The following STAG1 variants were observed in gnomAD, a reference collection of about 807,000 sequenced individuals.
STAG1 encodes the protein STAG1 cohesin complex component.
In STAG1, 26 loss-of-function variants were observed where a neutral mutation model predicts 170.9. The ratio of observed to expected loss-of-function variants is 0.15; its 90% CI spans 0.11 to 0.21. The LOEUF (loss-of-function observed/expected upper bound fraction) is 0.21. Among genes scored for constraint, STAG1 ranks in the 10% least tolerant of loss-of-function variants. STAG1 has a pLI of 1.00. For synonymous variants in STAG1, 514 were observed against 497.7 expected (o/e 1.03, Z -0.44); for missense variants, 964 against 1,509.5 (o/e 0.64, Z 5.99).
intron 6 of STAG1, among the ~76,000 whole-genome samples, chr3:136,526,453 T>A (rs1218151689): frequency 6.6e-6 from 1 of 152,214 alleles, no homozygotes; most frequent in East Asian, 1.9e-4. Context: ...GCTTGGTAGA[T>A]CTTCCTCCAT....
chr3:136,359,130 AGT>A lies in STAG1; in HGVS notation c.2936+16_2936+17del. Reference sequence around the variant, plus strand: ...AAGTAAATCAGATTCTGCATAACAAAGTGTTTATCTCACTCACTTGTGAAGTG... The same window carrying A: ...AAGTAAATCAGATTCTGCATAACAAAGTTTATCTCACTCACTTGTGAAGTG... On this transcript the variant is annotated intron_variant, in intron 27 of 33. Coordinates refer to ENST00000383202, the MANE Select transcript of STAG1 (RefSeq NM_005862.3). 1 of 1,575,648 alleles carries A rather than the reference AGT, an allele frequency of 6.3e-7. No individual in the cohort carries two copies. The highest frequency in any genetic ancestry group is 8.6e-7 in the Non-Finnish European group (1 of 1,157,154).
chr3:136,488,889 A>T (rs1251521465), intron 9 of STAG1, among the ~76,000 whole-genome samples: 2 of 152,248 alleles, frequency 1.3e-5, no homozygotes, highest in Non-Finnish European at 2.9e-5. Flanking sequence ...TTATTTTTAA[A>T]CAACTAATCT....
At chr3:136,623,907 G>A (rs147240716) in intron 2 of STAG1, among the ~76,000 whole-genome samples, 2 of 152,028 alleles carry the variant, frequency 1.3e-5, no homozygotes, top group African/African-American at 2.4e-5. Context: ...CCGAGATTAC[G>A]CCACTGCACT....
intron 1 of STAG1, among the ~76,000 whole-genome samples, chr3:136,676,730 T>TTTTGTTTG (rs545500564): frequency 1.3e-5 from 2 of 152,036 alleles, no homozygotes; most frequent in Non-Finnish European, 2.9e-5. Context: ...GATTACAAGT[T>TTTTGTTTG]TTTGTTTGTT....
At chr3:136,465,043 T>C (rs1016266290) in intron 12 of STAG1, 55 bp from the exon 13 acceptor site, 1 of 1,337,362 alleles carries the variant, frequency 7.5e-7, no homozygotes, top group Non-Finnish European at 1.0e-6. Flanking sequence ...TTTTCCTTTC[T>C]ACTTTTATTT....
At chr3:136,624,767 C>T (rs903375839) in intron 2 of STAG1, among the ~76,000 whole-genome samples, 10 of 152,040 alleles carry the variant, frequency 6.6e-5, no homozygotes, top group Admixed American at 4.6e-4. Context: ...GTACATATTC[C>T]TACCATAGCC....
chr3:136,381,410 T>G (rs899989306), intron 22 of STAG1, among the ~76,000 whole-genome samples: 2 of 151,926 alleles, frequency 1.3e-5, no homozygotes, highest in Admixed American at 6.6e-5. Context: ...AAGAAAACAT[T>G]AAAAAAATGA....
At chr3:136,493,280 C>G (rs2090155844) in intron 9 of STAG1, among the ~76,000 whole-genome samples, 1 of 151,986 alleles carries the variant, frequency 6.6e-6, no homozygotes, top group Non-Finnish European at 1.5e-5. Flanking sequence ...GATGTTGAGG[C>G]TGAAGTGAGC....
intron 1 of STAG1, among the ~76,000 whole-genome samples, chr3:136,733,942 C>A (rs1934186859): frequency 1.3e-5 from 2 of 151,906 alleles, no homozygotes; most frequent in African/African-American, 2.4e-5. Context: ...CCTGTCTCTA[C>A]TAAAAATACA....
chr3:136,528,811 T>A (rs999619554), intron 6 of STAG1, among the ~76,000 whole-genome samples: 2 of 151,886 alleles, frequency 1.3e-5, no homozygotes, highest in East Asian at 1.9e-4. Flanking sequence ...GTGCCTGTAT[T>A]CCCAGCTATT....
At chr3:136,467,121 T>A (rs1420119930) in intron 12 of STAG1, among the ~76,000 whole-genome samples, 6 of 152,124 alleles carry the variant, frequency 3.9e-5, no homozygotes, top group Non-Finnish European at 5.9e-5. Flanking sequence ...CCAGCTAACA[T>A]CATAACGTAA....
intron 13 of STAG1, among the ~76,000 whole-genome samples, chr3:136,459,993 C>A (rs1285961195): frequency 6.6e-6 from 1 of 151,868 alleles, no homozygotes; most frequent in Admixed American, 6.6e-5. Flanking sequence ...CATCAAAAAA[C>A]AAACCAAAAT....
At chr3:136,729,547 T>C (rs933973273) in intron 1 of STAG1, among the ~76,000 whole-genome samples, 3 of 150,342 alleles carry the variant, frequency 2.0e-5, no homozygotes, top group Non-Finnish European at 4.4e-5. Flanking sequence ...TACTTTGAAA[T>C]ATCTACAACA....
intron 1 of STAG1, among the ~76,000 whole-genome samples, chr3:136,745,556 T>A (rs1008919949): frequency 7.2e-5 from 11 of 152,174 alleles, no homozygotes; most frequent in African/African-American, 2.7e-4. Flanking sequence ...CAGTTCACAA[T>A]AGAATTTGCA....
At chr3:136,627,420 T>C (rs1022742981) in intron 2 of STAG1, among the ~76,000 whole-genome samples, 2 of 152,192 alleles carry the variant, frequency 1.3e-5, no homozygotes, top group Non-Finnish European at 2.9e-5. Context: ...TCTCTCAAAA[T>C]ATAAATATCA....
intron 20 of STAG1, among the ~76,000 whole-genome samples, chr3:136,418,877 G>A (rs2087861679): frequency 6.6e-6 from 1 of 152,124 alleles, no homozygotes; most frequent in South Asian, 2.1e-4. Flanking sequence ...CTGGACTCAA[G>A]AGATCCACCC....
chr3:136,633,726 C>CA (rs1940430542), intron 1 of STAG1, among the ~76,000 whole-genome samples: 1 of 36,448 alleles, frequency 2.7e-5, no homozygotes, highest in Non-Finnish European at 5.2e-5. Context: ...GGGGGGGGGT[C>CA]AGGGGCACAG....
chr3:136,407,462 C>T (rs985141408), intron 21 of STAG1, among the ~76,000 whole-genome samples: 3 of 152,010 alleles, frequency 2.0e-5, no homozygotes, highest in Admixed American at 1.3e-4. Flanking sequence ...TCGTTCATTG[C>T]TAAATAATTA....
intron 1 of STAG1, among the ~76,000 whole-genome samples, chr3:136,677,829 T>C (rs971621131): frequency 1.0e-4 from 15 of 150,362 alleles, no homozygotes; most frequent in Admixed American, 9.3e-4. Context: ...AAGAAAATAA[T>C]CTTAGAGAAG....
Sources: allele counts gnomAD v4.1 joint callset (sites outside exome capture counted in the v4.1 genomes callset), GRCh38; gene constraint gnomAD v4.1.1; transcripts MANE v1.5; gene names NCBI Gene and HGNC (gene_info 2026-07-23, HGNC 2026-07-21).